SNTG1: variants seen among roughly 807,000 people sequenced by gnomAD.
SNTG1 encodes gamma-1-syntrophin.
Under a neutral mutation model 74.7 loss-of-function variants are expected in SNTG1, and 39 were observed. The ratio of observed to expected loss-of-function variants is 0.52; its 90% CI spans 0.40 to 0.68. SNTG1 has a LOEUF of 0.68. Among genes scored for constraint, SNTG1 ranks in the 30% least tolerant of loss-of-function variants. SNTG1 has a pLI of 0.00. For missense variants in SNTG1, 685 were observed against 609.5 expected (o/e 1.12, Z -1.30); for synonymous variants, 254 against 217.1 (o/e 1.17, Z -1.49).
chr8:50,480,488 C>G (rs1214186979), intron 8 of SNTG1, among the ~76,000 whole-genome samples: 1 of 152,168 alleles, frequency 6.6e-6, no homozygotes, highest in Non-Finnish European at 1.5e-5. Flanking sequence ...TGGAGAGCTG[C>G]TCAGGCTAAT....
rs559901103 is a variant in SNTG1 at position 50,455,903 on chromosome 8, C to T, written c.363+5174C>T. On this transcript the variant is annotated intron_variant, in intron 8 of 18. Transcript: ENST00000642720. ...GGTTTTGAGCTCTAAGTGATTAATA[C>T]TGCCTTAAGAATTCTAACCATACTG... is the stretch of plus-strand genomic sequence containing the variant. Among the ~76,000 whole-genome samples, 10 of 152,262 alleles carry T rather than the reference C, an allele frequency of 6.6e-5. No individual in the cohort carries two copies. In the South Asian group the frequency reaches 2.1e-3, roughly 32 times the overall value.
intron 1 of SNTG1, among the ~76,000 whole-genome samples, chr8:49,937,398 A>G (rs984964675): frequency 2.0e-5 from 3 of 152,178 alleles, no homozygotes; most frequent in East Asian, 1.9e-4. Context: ...GATAATGGCA[A>G]TGGTTTCGAA....
intron 17 of SNTG1, among the ~76,000 whole-genome samples, chr8:50,713,303 T>C (rs2095466957): frequency 6.6e-6 from 1 of 152,236 alleles, no homozygotes; most frequent in African/African-American, 2.4e-5. Flanking sequence ...ATGTCTTCTT[T>C]TGAGAAGTGT....
intron 15 of SNTG1, among the ~76,000 whole-genome samples, chr8:50,689,099 T>G (rs1465588900): frequency 2.4e-5 from 2 of 84,744 alleles, no homozygotes; most frequent in Non-Finnish European, 4.9e-5. Context: ...AACATTGATT[T>G]TGTATCCTGA....
At chr8:50,692,718 G>C (rs918747910) in intron 15 of SNTG1, among the ~76,000 whole-genome samples, 3 of 152,196 alleles carry the variant, frequency 2.0e-5, no homozygotes, top group Non-Finnish European at 4.4e-5. Context: ...TGAGGAGGCA[G>C]TCTGCCCGTT....
chr8:50,784,509 T>A (rs949843017), intron 18 of SNTG1, among the ~76,000 whole-genome samples: 1 of 152,150 alleles, frequency 6.6e-6, no homozygotes, highest in African/African-American at 2.4e-5. Context: ...ATAAGCATAT[T>A]TGATGATAAC....
At chr8:49,913,316 A>G (rs1410509491) in intron 1 of SNTG1, among the ~76,000 whole-genome samples, 7 of 152,340 alleles carry the variant, frequency 4.6e-5, no homozygotes, top group African/African-American at 1.4e-4. Flanking sequence ...GGAGATCTTT[A>G]GGTTTTACTT....
At chr8:50,723,472 C>T (rs1242340933) in intron 17 of SNTG1, among the ~76,000 whole-genome samples, 2 of 152,172 alleles carry the variant, frequency 1.3e-5, no homozygotes, top group East Asian at 1.9e-4. Flanking sequence ...TTTCACCATG[C>T]CTTCTCTAAA....
chr8:50,276,262 C>T (rs1053698912), intron 2 of SNTG1, among the ~76,000 whole-genome samples: 22 of 152,128 alleles, frequency 1.4e-4, no homozygotes, highest in African/African-American at 5.1e-4. Flanking sequence ...TCTCAACACT[C>T]ACAACTGTGA....
intron 11 of SNTG1, among the ~76,000 whole-genome samples, chr8:50,542,217 T>C (rs1585627287): frequency 6.7e-6 from 1 of 149,154 alleles, no homozygotes; most frequent in Non-Finnish European, 1.5e-5. Flanking sequence ...AGTGCAATGG[T>C]GTGTTCATGG....
intron 10 of SNTG1, among the ~76,000 whole-genome samples, chr8:50,531,849 T>C (rs946953027): frequency 6.6e-6 from 1 of 152,194 alleles, no homozygotes; most frequent in African/African-American, 2.4e-5. Flanking sequence ...AGGTCTTGCC[T>C]CATACCCTTG....
intron 1 of SNTG1, among the ~76,000 whole-genome samples, chr8:50,015,722 C>T (rs958205495): frequency 1.3e-5 from 2 of 152,032 alleles, no homozygotes; most frequent in African/African-American, 4.8e-5. Flanking sequence ...AAAATAGGAA[C>T]CATTACAATC....
intron 2 of SNTG1, among the ~76,000 whole-genome samples, chr8:50,192,431 T>C (rs1225681861): frequency 6.6e-6 from 1 of 152,162 alleles, no homozygotes; most frequent in Non-Finnish European, 1.5e-5. Flanking sequence ...TTTTTTCATA[T>C]GTTTGTTGGC....
chr8:50,707,773 A>G, intron 16 of SNTG1: 1 of 286,758 alleles, frequency 3.5e-6, no homozygotes, highest in Non-Finnish European at 6.4e-6. Context: ...GGAATATCCC[A>G]CTACGATTTA....
At chr8:50,573,257 A>G (rs1335820236) in intron 12 of SNTG1, among the ~76,000 whole-genome samples, 1 of 152,132 alleles carries the variant, frequency 6.6e-6, no homozygotes, top group Non-Finnish European at 1.5e-5. Flanking sequence ...AATTACTGCT[A>G]AATCAATGCT....
chr8:50,651,765 T>A (rs557037776), intron 13 of SNTG1, among the ~76,000 whole-genome samples: 1 of 150,522 alleles, frequency 6.6e-6, no homozygotes, highest in Non-Finnish European at 1.5e-5. Flanking sequence ...GCTTATTTAT[T>A]TATTTATTTT....
intron 1 of SNTG1, among the ~76,000 whole-genome samples, chr8:49,986,739 G>GGTGTT (rs1813195293): frequency 6.9e-6 from 1 of 145,672 alleles, no homozygotes; most frequent in Admixed American, 6.9e-5. Context: ...AAAATAGCCA[G>GGTGTT]GTGTTGTGGT....
intron 1 of SNTG1, among the ~76,000 whole-genome samples, chr8:49,947,501 A>C (rs193193595): frequency 6.6e-5 from 10 of 152,288 alleles, no homozygotes; most frequent in Admixed American, 5.9e-4. Flanking sequence ...ACTGATACAC[A>C]CGTACACAGT....
At chr8:50,343,624 A>C (rs1000189998) in intron 2 of SNTG1, among the ~76,000 whole-genome samples, 1 of 152,204 alleles carries the variant, frequency 6.6e-6, no homozygotes, top group Non-Finnish European at 1.5e-5. Context: ...AGATTTGGAA[A>C]GATAAGATTT....
Sources: gnomAD v4.1 joint callset for allele counts (sites outside exome capture counted in the v4.1 genomes callset) on GRCh38, gnomAD v4.1.1 for gene constraint, MANE v1.5 for transcripts, NCBI Gene and HGNC (gene_info 2026-07-23, HGNC 2026-07-21) for gene names.